The following EXOC2 variants were observed in gnomAD, a reference collection of about 807,000 sequenced individuals.
EXOC2 encodes SEC5-like 1.
Under a neutral mutation model 131.8 loss-of-function variants are expected in EXOC2, and 70 were observed. The ratio of observed to expected loss-of-function variants is 0.53; its 90% CI spans 0.44 to 0.65. The LOEUF is 0.65. EXOC2 is among the 30% of genes least tolerant of loss of function. EXOC2 has a pLI of 0.00. For synonymous variants in EXOC2, 411 were observed against 398.4 expected (o/e 1.03, Z -0.38); for missense variants, 923 against 1,108.6 (o/e 0.83, Z 2.38).
chr6:579,749 T>C (rs1009049928), intron 11 of EXOC2, among the ~76,000 whole-genome samples: 11 of 152,144 alleles, frequency 7.2e-5, no homozygotes, highest in African/African-American at 2.7e-4. Flanking sequence ...TCACAAATTA[T>C]GTATGACCAA....
intron 11 of EXOC2, among the ~76,000 whole-genome samples, chr6:590,055 C>T (rs1022417103): frequency 6.6e-6 from 1 of 150,778 alleles, no homozygotes; most frequent in Admixed American, 6.6e-5. Flanking sequence ...GCGGAGCTTG[C>T]AGTGAGCTGA....
chr6:521,904 G>A (rs1765489443), intron 23 of EXOC2, among the ~76,000 whole-genome samples: 2 of 151,992 alleles, frequency 1.3e-5, no homozygotes, highest in African/African-American at 2.4e-5. Context: ...TTCTCTTTTT[G>A]ACATTTATTG....
chr6:552,201 C>G (rs547700479), intron 21 of EXOC2, among the ~76,000 whole-genome samples: 1 of 152,364 alleles, frequency 6.6e-6, no homozygotes, highest in Admixed American at 6.5e-5. Context: ...TTTAAACCCT[C>G]CCATGAAGTC....
At position 534,991 on chromosome 6, in the gene EXOC2, G is replaced by A. The variant is rs1402914501; in HGVS notation, c.2239-2381C>T. ...CAAAATCTGCAAGAGAGAACCAGTGGCTAGAAATTTATAGCTGAAAATGTT... is the reference window on the plus strand; with the variant it reads ...CAAAATCTGCAAGAGAGAACCAGTGACTAGAAATTTATAGCTGAAAATGTT... On this transcript the variant is annotated intron_variant, in intron 22 of 27. Transcript: ENST00000230449. Among the ~76,000 whole-genome samples, 4 of 152,264 alleles carry A rather than the reference G, an allele frequency of 2.6e-5. No individual in the cohort carries two copies. In the East Asian group the frequency reaches 7.7e-4, roughly 29 times the overall value.
intron 1 of EXOC2, among the ~76,000 whole-genome samples, chr6:646,708 C>T (rs946409497): frequency 5.9e-5 from 9 of 152,102 alleles, no homozygotes; most frequent in African/African-American, 1.4e-4. Flanking sequence ...TTAATAGTTA[C>T]GTTTATATAA....
intron 17 of EXOC2, among the ~76,000 whole-genome samples, chr6:561,474 A>G (rs1250978303): frequency 1.3e-5 from 2 of 152,240 alleles, no homozygotes; most frequent in Non-Finnish European, 2.9e-5. Flanking sequence ...GTGCAGGATC[A>G]TTGTTTCCTG....
rs547452047 is a variant in EXOC2 at position 616,492 on chromosome 6, C to A, written c.661+1219G>T. On this transcript the variant is annotated intron_variant, in intron 6 of 27. Transcript: ENST00000230449. ...GTGGCGGGCGCCTGTAGTCCCAGCT[C>A]CTCGGGAGGCTGAGGCAGGAGAATG... Among the ~76,000 whole-genome samples the A allele has an allele frequency of 3.7e-3, 558 of 150,564 alleles. 3 individuals carry two copies. Among genetic ancestry groups the A allele is most frequent in the South Asian group, 0.018 (86 of 4,736 alleles).
chr6:603,431 T>A (rs993083122), intron 7 of EXOC2, among the ~76,000 whole-genome samples: 4 of 151,986 alleles, frequency 2.6e-5, no homozygotes, highest in African/African-American at 7.3e-5. Flanking sequence ...TGCCTGACAC[T>A]CTGTGTGGAG....
chr6:577,853 C>A (rs970451517), intron 11 of EXOC2, among the ~76,000 whole-genome samples: 3 of 152,242 alleles, frequency 2.0e-5, no homozygotes, highest in African/African-American at 7.2e-5. Context: ...AACCCACATC[C>A]TGAAAGATGC....
chr6:563,893 G>T (rs1757827337), intron 16 of EXOC2, 140 bp downstream of exon 16: 2 of 1,233,782 alleles, frequency 1.6e-6, no homozygotes, highest in Non-Finnish European at 2.2e-6. Context: ...TTATTGAGCA[G>T]CTAGAAATAA....
At position 549,234 on chromosome 6, in the gene EXOC2, G is replaced by A; in HGVS notation, c.2179C>T (p.Leu727=). Residue 727 remains leucine, a synonymous_variant, in exon 22 of 28, where the codon CTA becomes TTA. Coordinates refer to ENST00000230449, the MANE Select transcript of EXOC2 (RefSeq NM_018303.6). The part of the protein sequence containing the change: ...NCCYLERHTF[L]NIAEHFEKHN... ...TTTTCAAAATGTTCTGCGATATTTAGGAAGGTGTGACGTTCTAGATAGCAG... is the reference window on the plus strand; with the variant it reads ...TTTTCAAAATGTTCTGCGATATTTAAGAAGGTGTGACGTTCTAGATAGCAG... 6.2e-7 allele frequency: 1 copy of A among 1,614,182 alleles called. No homozygotes were observed. The highest frequency in any genetic ancestry group is 8.5e-7 in the Non-Finnish European group (1 of 1,180,020).
chr6:509,404 C>G (rs760163456), intron 23 of EXOC2, among the ~76,000 whole-genome samples: 153 of 152,200 alleles, frequency 1.0e-3, no homozygotes, highest in Non-Finnish European at 1.7e-3. Flanking sequence ...AAAGGCCACA[C>G]AGAATTATAC....
chr6:615,182 G>GGGGTGTGT (rs759049307), intron 6 of EXOC2, among the ~76,000 whole-genome samples: 30 of 121,108 alleles, frequency 2.5e-4, no homozygotes, highest in Non-Finnish European at 3.5e-4. Context: ...TGTGGGTGTG[G>GGGGTGTGT]GTGTGTGTGT....
At chr6:647,350 T>G (rs1762619698) in intron 1 of EXOC2, among the ~76,000 whole-genome samples, 1 of 151,670 alleles carries the variant, frequency 6.6e-6, no homozygotes. Context: ...AACATCAGAC[T>G]GTCAGAGATC....
rs546786470 is a variant in EXOC2, at chr6:516,719, C to T, written c.2380+15750G>A. ...GCAAGTATCTGTCACTATCTGTGTA[C>T]CACAGGGCACACAGCTGTGAAGCAT... On this transcript the variant is annotated intron_variant, in intron 23 of 27. Transcript: ENST00000230449. Among the ~76,000 whole-genome samples the T allele has an allele frequency of 2.6e-5, 4 of 152,186 alleles. No homozygotes were observed. In the South Asian group the frequency reaches 6.2e-4, roughly 24 times the overall value.
At chr6:591,034 G>A (rs780547964) in intron 11 of EXOC2, among the ~76,000 whole-genome samples, 1 of 152,144 alleles carries the variant, frequency 6.6e-6, no homozygotes, top group Non-Finnish European at 1.5e-5. Flanking sequence ...GGAAATCACT[G>A]CTCATCCCTT....
At chr6:622,775 G>A (rs972256688) in intron 4 of EXOC2, among the ~76,000 whole-genome samples, 1 of 152,232 alleles carries the variant, frequency 6.6e-6, no homozygotes, top group Non-Finnish European at 1.5e-5. Flanking sequence ...TGGTGGTACT[G>A]ATGGTACTGA....
At chr6:686,914 A>G (rs1764681660) in intron 1 of EXOC2, among the ~76,000 whole-genome samples, 1 of 152,128 alleles carries the variant, frequency 6.6e-6, no homozygotes, top group Non-Finnish European at 1.5e-5. Context: ...GAAGACAAAA[A>G]CTTCAAAGAA....
chr6:500,530 G>C (rs975907501), intron 23 of EXOC2, among the ~76,000 whole-genome samples: 1 of 152,182 alleles, frequency 6.6e-6, no homozygotes, highest in African/African-American at 2.4e-5. Context: ...TCCCACCCTT[G>C]GGGGGCTGCA....
Sources: allele counts gnomAD v4.1 joint callset (sites outside exome capture counted in the v4.1 genomes callset), GRCh38; gene constraint gnomAD v4.1.1; transcripts MANE v1.5; gene names NCBI Gene and HGNC (gene_info 2026-07-23, HGNC 2026-07-21).